EPHA6: variants seen among roughly 807,000 people sequenced by gnomAD.
EPHA6 encodes EPH receptor A6.
In EPHA6, 50 loss-of-function variants were observed where a neutral mutation model predicts 112.0. The ratio of observed to expected loss-of-function variants is 0.45; its 90% confidence interval spans 0.36 to 0.56. The LOEUF (loss-of-function observed/expected upper bound fraction) is 0.56. EPHA6 is among the 20% of genes least tolerant of loss of function. EPHA6 has a pLI of 0.00. For synonymous variants in EPHA6, 529 were observed against 490.7 expected, an observed-to-expected ratio of 1.08 and a Z score of -1.03; for missense variants, 1,280 against 1,417.4, an observed-to-expected ratio of 0.90 and a Z score of 1.56.
intron 7 of EPHA6, among the ~76,000 whole-genome samples, chr3:97,451,835 C>A (rs374763444): frequency 2.0e-5 from 3 of 151,836 alleles, no homozygotes; most frequent in African/African-American, 7.3e-5. Context: ...ATTGTAATGT[C>A]AGCCTTATTA....
intron 3 of EPHA6, among the ~76,000 whole-genome samples, chr3:97,037,189 A>G (rs2045132821): frequency 6.6e-6 from 1 of 152,072 alleles, no homozygotes; most frequent in Non-Finnish European, 1.5e-5. Flanking sequence ...TAATACAAAC[A>G]TGGTCTTTGC....
At chr3:97,067,309 G>A (rs1423252796) in intron 3 of EPHA6, among the ~76,000 whole-genome samples, 1 of 152,042 alleles carries the variant, frequency 6.6e-6, no homozygotes, top group East Asian at 1.9e-4. Flanking sequence ...TATATCAGTA[G>A]TACACAGGTG....
At position 97,755,066 on chromosome 3, in the gene EPHA6, A is replaced by G. The variant is rs763159746; in HGVS notation, c.*6365A>G. On this transcript the variant is annotated 3_prime_UTR_variant, in exon 18 of 18. Transcript: ENST00000389672. ...GCTTGAACTTTCACACTGATTAATC[A>G]AAGTAACAAATCTCTACATCATTAA... Among the ~76,000 whole-genome samples the G allele has an allele frequency of 4.6e-5, 7 of 152,224 alleles. No homozygotes were observed. The highest frequency in any genetic ancestry group is 7.3e-5 in the Non-Finnish European group (5 of 68,036).
At chr3:97,705,669 A>G (rs986560646) in intron 14 of EPHA6, among the ~76,000 whole-genome samples, 2 of 152,208 alleles carry the variant, frequency 1.3e-5, no homozygotes, top group Non-Finnish European at 2.9e-5. Flanking sequence ...AAGAAAAAGA[A>G]CAGATCAAGA....
intron 3 of EPHA6, among the ~76,000 whole-genome samples, chr3:97,155,791 C>T (rs1433746491): frequency 2.6e-5 from 4 of 152,092 alleles, no homozygotes; most frequent in Non-Finnish European, 5.9e-5. Context: ...CATGTGGGTT[C>T]CTACATCTCA....
chr3:97,106,066 G>T (rs570306373), intron 3 of EPHA6, among the ~76,000 whole-genome samples: 1 of 152,068 alleles, frequency 6.6e-6, no homozygotes, highest in Non-Finnish European at 1.5e-5. Context: ...TGGGTCTTTT[G>T]AACACAGGAT....
At chr3:97,310,956 C>T (rs1390900759) in intron 5 of EPHA6, among the ~76,000 whole-genome samples, 1 of 151,562 alleles carries the variant, frequency 6.6e-6, no homozygotes, top group Non-Finnish European at 1.5e-5. Flanking sequence ...CTTCCTAACA[C>T]ACAAACAGTA....
chr3:97,556,762 T>C (rs1370454), intron 11 of EPHA6, among the ~76,000 whole-genome samples: 42,518 of 151,910 alleles, frequency 0.28, 9,324 homozygotes, highest in African/African-American at 0.6. Flanking sequence ...GATCATTGCA[T>C]AACTTTGTAA....
At chr3:97,353,034 A>G (rs752278819) in intron 5 of EPHA6, among the ~76,000 whole-genome samples, 1 of 152,068 alleles carries the variant, frequency 6.6e-6, no homozygotes, top group Non-Finnish European at 1.5e-5. Flanking sequence ...ATATTTTTAG[A>G]CATACTCTGC....
At chr3:96,995,440 C>T (rs567316471) in intron 3 of EPHA6, among the ~76,000 whole-genome samples, 1 of 152,058 alleles carries the variant, frequency 6.6e-6, no homozygotes, top group Non-Finnish European at 1.5e-5. Flanking sequence ...AACAAAGCAG[C>T]TTTTTCATGA....
intron 3 of EPHA6, among the ~76,000 whole-genome samples, chr3:97,138,422 G>A (rs1280694583): frequency 6.6e-6 from 1 of 152,184 alleles, no homozygotes; most frequent in African/African-American, 2.4e-5. Flanking sequence ...TCCCATAGTT[G>A]TAGAACCAAA....
In EPHA6 at chr3:97,121,605, C is replaced by T. The variant is rs140492107; in HGVS notation, c.1115-104659C>T. On this transcript the variant is annotated intron_variant, in intron 3 of 17. Transcript: ENST00000389672. ...ACTTGGCTGGGTGCCATTGTTACCA[C>T]GTGATGGAGACCTTGCTCAAAGGCA... 5.8e-3 allele frequency among the ~76,000 whole-genome samples: 879 copies of T among 152,134 alleles called. 6 individuals carry two copies. The highest frequency in any genetic ancestry group is 0.02 in the African/African-American group (815 of 41,526).
intron 6 of EPHA6, among the ~76,000 whole-genome samples, chr3:97,440,717 T>C (rs1425629484): frequency 6.6e-6 from 1 of 151,348 alleles, no homozygotes; most frequent in Middle Eastern, 3.2e-3. Flanking sequence ...GAAAAATAAA[T>C]TAGAAGGAAT....
chr3:96,941,770 G>C (rs942026563), intron 2 of EPHA6, among the ~76,000 whole-genome samples: 2 of 152,126 alleles, frequency 1.3e-5, no homozygotes, highest in African/African-American at 4.8e-5. Context: ...GTACAGATGG[G>C]TTTTTGGTGT....
At chr3:97,668,808 G>C (rs528823027) in intron 14 of EPHA6, among the ~76,000 whole-genome samples, 1 of 149,934 alleles carries the variant, frequency 6.7e-6, no homozygotes, top group Non-Finnish European at 1.5e-5. Flanking sequence ...CAGCTCTCGG[G>C]AGGCTGAGGC....
chr3:97,615,374 T>A (rs1037690392), intron 13 of EPHA6, among the ~76,000 whole-genome samples: 1 of 151,868 alleles, frequency 6.6e-6, no homozygotes, highest in Non-Finnish European at 1.5e-5. Flanking sequence ...GGCTCTGGGG[T>A]CCCCGGCAAA....
chr3:97,318,651 A>T (rs2081958298), intron 5 of EPHA6, among the ~76,000 whole-genome samples: 3 of 152,060 alleles, frequency 2.0e-5, no homozygotes, highest in Non-Finnish European at 2.9e-5. Context: ...TGCACAGCAG[A>T]GTCTGGATTT....
intron 11 of EPHA6, among the ~76,000 whole-genome samples, chr3:97,580,791 T>C (rs1044323485): frequency 6.6e-6 from 1 of 152,222 alleles, no homozygotes; most frequent in Non-Finnish European, 1.5e-5. Flanking sequence ...TACGCCTCAG[T>C]GGCATCCAGC....
intron 14 of EPHA6, among the ~76,000 whole-genome samples, chr3:97,676,492 A>AAC (rs2031392568): frequency 6.6e-6 from 1 of 152,218 alleles, no homozygotes; most frequent in South Asian, 2.1e-4. Context: ...TTCACCCTGA[A>AAC]ACTAGGAAGT....
Sources: allele counts gnomAD v4.1 joint callset (sites outside exome capture counted in the v4.1 genomes callset), GRCh38; gene constraint gnomAD v4.1.1; transcripts MANE v1.5; gene names NCBI Gene and HGNC (gene_info 2026-07-23, HGNC 2026-07-21).